Variants in SH2D3C observed in about 807,000 individuals in gnomAD.
SH2D3C encodes SH2 domain-containing protein 3C.
In SH2D3C, 25 loss-of-function variants were observed where a neutral mutation model predicts 75.2. The observed-to-expected ratio is 0.33, with a 90% CI of 0.24 to 0.46. The LOEUF (loss-of-function observed/expected upper bound fraction) is 0.46, where lower values mean the gene tolerates loss of function less well. SH2D3C is among the 20% of genes least tolerant of loss of function. The pLI, the probability that SH2D3C is intolerant of heterozygous loss-of-function variation, is 1.00. For missense variants in SH2D3C, 933 were observed against 1,165.3 expected (o/e 0.80, Z 2.90); for synonymous variants, 450 against 473.7 (o/e 0.95, Z 0.65).
intron 1 of SH2D3C, among the ~76,000 whole-genome samples, chr9:127,775,916 C>T (rs1304432968): frequency 6.6e-6 from 1 of 151,978 alleles, no homozygotes; most frequent in East Asian, 1.9e-4. Context: ...GCAACCTCCA[C>T]CTTCTGGGTT....
chr9:127,769,596 C>T (rs548459928), intron 2 of SH2D3C, among the ~76,000 whole-genome samples: 105 of 148,742 alleles, frequency 7.1e-4, no homozygotes, highest in African/African-American at 2.6e-3. Flanking sequence ...GCGGAGGTTG[C>T]GGTCAGCCGA....
rs768115214 is a variant in SH2D3C, at chr9:127,773,989, C to T, written c.515+1G>A. ...GTCCCAACCAGCCCCTGGGCACCTA[C>T]CTTTCTGAGTGCACGTCCCTGGGAG... On this transcript the variant is annotated splice_donor_variant, in intron 2 of 11. Transcript: ENST00000314830. LOFTEE classifies it high-confidence loss of function. The T allele has an allele frequency of 6.3e-7, 1 of 1,596,854 alleles. No homozygotes were observed. Among genetic ancestry groups the T allele is most frequent in the Non-Finnish European group, 8.6e-7 (1 of 1,165,678 alleles).
intron 9 of SH2D3C, among the ~76,000 whole-genome samples, chr9:127,741,091 C>T (rs989914595): frequency 7.2e-5 from 11 of 152,208 alleles, no homozygotes; most frequent in East Asian, 1.9e-4. Context: ...GCAAGGACTG[C>T]TCTGTCTCAA....
In SH2D3C at chr9:127,749,426, T is replaced by C; in HGVS notation, c.924A>G (p.Ser308=). 1 of 1,614,218 alleles carries C rather than the reference T, an allele frequency of 6.2e-7. No homozygotes were observed. Among genetic ancestry groups the C allele is most frequent in the Non-Finnish European group, 8.5e-7 (1 of 1,180,038 alleles). The change falls in exon 5 of 12, where the codon TCA becomes TCG. Residue 308 remains serine, a synonymous_variant. Transcript: ENST00000314830. The surrounding 1 kb of genome is among the most constrained non-coding windows in gnomAD (Gnocchi z 5.9). ...AGTAGATGATGGCACCACTCTGCTC[T>C]GACACAGCCTTGCGGCTGCCCACAT... ...RYHVGSRKAV[S]EQSGAIIYCP... is the part of the protein sequence containing the mutation.
intron 2 of SH2D3C, among the ~76,000 whole-genome samples, chr9:127,762,627 T>C (rs1344503342): frequency 2.0e-5 from 3 of 152,212 alleles, no homozygotes; most frequent in Non-Finnish European, 4.4e-5. Context: ...CCTCTCCGCA[T>C]GTCCACCCCG....
intron 2 of SH2D3C, chr9:127,762,473 C>T: frequency 6.0e-6 from 3 of 499,750 alleles, no homozygotes; most frequent in Non-Finnish European, 1.2e-5. Flanking sequence ...CTCCCTGCCC[C>T]CTCCCCATCT....
At chr9:127,758,109 T>G (rs1242384914) in intron 3 of SH2D3C, among the ~76,000 whole-genome samples, 1 of 151,960 alleles carries the variant, frequency 6.6e-6, no homozygotes, top group Non-Finnish European at 1.5e-5. Flanking sequence ...AGCCCAGGTG[T>G]GAGCCACCGC....
intron 2 of SH2D3C, among the ~76,000 whole-genome samples, chr9:127,767,757 G>A (rs1021621196): frequency 6.6e-6 from 1 of 152,288 alleles, no homozygotes; most frequent in African/African-American, 2.4e-5. Context: ...GACATATCCC[G>A]TCCTCACAGT....
intron 3 of SH2D3C, among the ~76,000 whole-genome samples, chr9:127,757,626 TGATGATGATG>T (rs1564419755): frequency 0.011 from 1,356 of 125,530 alleles, 24 homozygotes; most frequent in African/African-American, 0.032. Flanking sequence ...ATGATGATGA[TGATGATGATG>T]ATGATGATGA....
At chr9:127,758,425 A>C (rs1234550525) in intron 3 of SH2D3C, among the ~76,000 whole-genome samples, 1 of 152,230 alleles carries the variant, frequency 6.6e-6, no homozygotes, top group African/African-American at 2.4e-5. Context: ...CTAAAGGAAA[A>C]AAATATAAAG....
rs762010546 is a variant in SH2D3C at position 127,778,639 on chromosome 9, G to A, written c.-12C>T. 1.2e-6 allele frequency: 2 copies of A among 1,613,326 alleles called. No homozygotes were observed. The highest frequency in any genetic ancestry group is 1.3e-5 in the African/African-American group (1 of 74,890). The stretch of plus-strand genomic sequence containing the variant: ...GTCCCCTCTGTCATCTTGGCAAATT[G>A]TGTGAAGCCCTTGGCCAGCTTGCGA... On this transcript the variant is annotated 5_prime_UTR_variant, in exon 1 of 12. Coordinates refer to ENST00000314830, the MANE Select transcript of SH2D3C (RefSeq NM_170600.3).
chr9:127,777,946 C>T (rs1588530767), intron 1 of SH2D3C, among the ~76,000 whole-genome samples: 1 of 149,666 alleles, frequency 6.7e-6, no homozygotes, highest in East Asian at 1.9e-4. Flanking sequence ...GAACCCACCC[C>T]GGTCTCTAAA....
At position 127,739,656 on chromosome 9, in the gene SH2D3C, C is replaced by T. The variant is rs1844789996; in HGVS notation, c.2407+26G>A. On this transcript the variant is annotated intron_variant, in intron 11 of 11. Coordinates refer to ENST00000314830, the MANE Select transcript of SH2D3C (RefSeq NM_170600.3). The surrounding 1 kb of genome is among the most constrained non-coding windows in gnomAD (Gnocchi z 4.3). ...TGGAGGGAGGCCCAGGCCTGCAAGC[C>T]CCCCAAGATGCCACCCGCCACTCAC... The T allele has an allele frequency of 1.3e-6, 2 of 1,583,036 alleles. No individual in the cohort carries two copies. Among genetic ancestry groups the T allele is most frequent in the Admixed American group, 3.4e-5 (2 of 58,362 alleles).
Position 127,739,871 on chromosome 9 carries a change from T to G in SH2D3C, c.2218A>C (p.Asn740His). The G allele has an allele frequency of 6.5e-7, 1 of 1,544,254 alleles. No homozygotes were observed. Among genetic ancestry groups the G allele is most frequent in the East Asian group, 2.4e-5 (1 of 41,548 alleles). The change falls in exon 11 of 12, where the codon AAC (asparagine) becomes CAC (histidine). Residue 740 changes from asparagine (N) to histidine (H), a missense_variant. By Grantham distance (68) the Asn-to-His change is moderately conservative. Transcript: ENST00000314830. This position sits in a 1 kb window ranked among gnomAD's most constrained non-coding sequence, Gnocchi z 4.3. ...GGCAGCACATGAGGAAACGTGGTGT[T>G]GCTCAGCGGCGGGCCTTCTGCAAGG... The part of the protein sequence containing the change: ...NEGKEGPPLS[N>H]TTFPHVLPLI...
intron 2 of SH2D3C, among the ~76,000 whole-genome samples, chr9:127,773,632 C>T (rs1331549715): frequency 6.6e-6 from 1 of 152,004 alleles, no homozygotes; most frequent in Admixed American, 6.6e-5. Context: ...TTCTTTTTAA[C>T]CCAGATGTGT....
chr9:127,744,523 C>T, intron 7 of SH2D3C, 41 bp downstream of exon 7: 1 of 1,564,056 alleles, frequency 6.4e-7, no homozygotes, highest in Non-Finnish European at 8.7e-7. Flanking sequence ...CCCCACAGAA[C>T]AGAGATGCTC....
In SH2D3C at chr9:127,749,471, C is replaced by T. The variant is rs1845132237; in HGVS notation, c.879G>A (p.Val293=). The change falls in exon 5 of 12, where the codon GTG becomes GTA. Residue 293 remains valine, a synonymous_variant. Transcript: ENST00000314830. This position sits in a 1 kb window ranked among gnomAD's most constrained non-coding sequence, Gnocchi z 5.9. Reference sequence around the variant, plus strand: ...CCACATGATAGCGCACGAGGGCGGGCACGTGGTCAAAGCTCTCCTGCTCAA... The same window carrying T: ...CCACATGATAGCGCACGAGGGCGGGTACGTGGTCAAAGCTCTCCTGCTCAA... ...YLFEQESFDH[V]PALVRYHVGS... 6.2e-7 allele frequency: 1 copy of T among 1,614,078 alleles called. No individual in the cohort carries two copies. Among genetic ancestry groups the T allele is most frequent in the South Asian group, 1.1e-5 (1 of 91,092 alleles).
At chr9:127,776,508 A>T (rs952567061) in intron 1 of SH2D3C, among the ~76,000 whole-genome samples, 6 of 152,102 alleles carry the variant, frequency 3.9e-5, no homozygotes, top group African/African-American at 1.4e-4. Flanking sequence ...GCGGGGGTGT[A>T]TGTGAGTTCC....
Position 127,749,333 on chromosome 9 carries a change from G to C in SH2D3C, c.1017C>G (p.Ser339Arg), listed in dbSNP as rs1391037081. The change falls in exon 5 of 12, where the codon AGC (serine) becomes AGG (arginine). Residue 339 changes from serine (S) to arginine (R), a missense_variant. Physicochemically the swap from Ser to Arg is moderately radical, Grantham distance 110. Transcript: ENST00000314830. This position sits in a 1 kb window ranked among gnomAD's most constrained non-coding sequence, Gnocchi z 5.9. ...EASYGLGQGS[S>R]KPASPVSPSG... ...AGGGGCTGACGGGGCTAGCAGGCTT[G>C]CTACTCCCCTGTCCCAGGCCATAGC... 1 of 1,612,974 alleles carries C rather than the reference G, an allele frequency of 6.2e-7. No individual in the cohort carries two copies. Among genetic ancestry groups the C allele is most frequent in the South Asian group, 1.1e-5 (1 of 91,070 alleles).
Sources: allele counts gnomAD v4.1 joint callset (sites outside exome capture counted in the v4.1 genomes callset), GRCh38; gene constraint gnomAD v4.1.1; non-coding constraint Gnocchi (gnomAD v3.1); transcripts MANE v1.5; gene names NCBI Gene and HGNC (gene_info 2026-07-23, HGNC 2026-07-21).